Variants in CCDC57 observed in about 807,000 individuals in gnomAD.
CCDC57 encodes coiled-coil domain-containing protein 57.
In CCDC57, 118 loss-of-function variants were observed where a neutral mutation model predicts 118.9. The ratio of observed to expected loss-of-function variants is 0.99; its 90% CI spans 0.86 to 1.16. The LOEUF is 1.16. Among genes scored for constraint, CCDC57 ranks in the 50% most tolerant of loss-of-function variants. The pLI, the probability that CCDC57 is intolerant of heterozygous loss-of-function variation, is 0.00. For synonymous variants in CCDC57, 527 were observed against 532.9 expected (o/e 0.99, Z 0.15); for missense variants, 1,300 against 1,320.7 (o/e 0.98, Z 0.24).
chr17:82,177,849 T>C (rs11867193), intron 11 of CCDC57, among the ~76,000 whole-genome samples: 109,613 of 152,018 alleles, frequency 0.72, 40,053 homozygotes, highest in East Asian at 0.95. Context: ...GTGTGTACAA[T>C]AGCCCACAGA....
intron 13 of CCDC57, among the ~76,000 whole-genome samples, chr17:82,168,551 T>C (rs558348900): frequency 3.0e-4 from 45 of 152,270 alleles, no homozygotes; most frequent in African/African-American, 9.6e-4. Flanking sequence ...TGAGCCGAGA[T>C]TGTGCCACTG....
chr17:82,155,426 T>G (rs1041036283), intron 15 of CCDC57: 2 of 152,346 alleles, frequency 1.3e-5, no homozygotes, highest in Admixed American at 1.3e-4. Flanking sequence ...CGTCACTGCC[T>G]ATTGGCCTAG....
At chr17:82,109,965 A>C (rs911740566) in intron 19 of CCDC57, among the ~76,000 whole-genome samples, 6 of 151,854 alleles carry the variant, frequency 4.0e-5, no homozygotes, top group African/African-American at 1.5e-4. Context: ...AGAAAACGTC[A>C]TAAGAGGCAA....
Position 82,172,662 on chromosome 17 carries a change from C to A in CCDC57, c.1705G>T (p.Ala569Ser). Residue 569 changes from alanine (A) to serine (S), a missense_variant, in exon 12 of 20, where the codon GCT becomes TCT. By Grantham distance (99) the Ala-to-Ser change is moderately conservative. Coordinates refer to ENST00000665763, the Ensembl canonical transcript of CCDC57. The surrounding 1 kb of genome is among the most constrained non-coding windows in gnomAD (Gnocchi z 5.2). ...CCAGGAGTGGCGGCATCTCCCCCAGCCTCTGGGTCAGGCTGGTTTGCATCT... is the reference window on the plus strand; with the variant it reads ...CCAGGAGTGGCGGCATCTCCCCCAGACTCTGGGTCAGGCTGGTTTGCATCT... 6.4e-7 allele frequency: 1 copy of A among 1,552,054 alleles called. No homozygotes were observed. Among genetic ancestry groups the A allele is most frequent in the Non-Finnish European group, 8.7e-7 (1 of 1,147,948 alleles).
Position 82,172,617 on chromosome 17 carries a change from C to G in CCDC57, c.1729+21G>C, listed in dbSNP as rs1313997417. 17 of 1,546,364 alleles carry G rather than the reference C, an allele frequency of 1.1e-5. No homozygotes were observed. Among genetic ancestry groups the G allele is most frequent in the Non-Finnish European group, 1.5e-5 (17 of 1,143,866 alleles). On this transcript the variant is annotated intron_variant, in intron 12 of 19. Transcript: ENST00000665763. The surrounding 1 kb of genome is among the most constrained non-coding windows in gnomAD (Gnocchi z 5.2). Reference sequence around the variant, plus strand: ...TCTCCCCCTTCCTCTCCCGCTCTGTCCGTTTCTCCCACTTACTCACCAGGA... The same window carrying G: ...TCTCCCCCTTCCTCTCCCGCTCTGTGCGTTTCTCCCACTTACTCACCAGGA...
At chr17:82,193,648 C>T in intron 7 of CCDC57, 108 bp downstream of exon 6, 3 of 913,054 alleles carry the variant, frequency 3.3e-6, no homozygotes, top group Non-Finnish European at 5.1e-6. Context: ...AGGTCCGATC[C>T]CTGGAGTGGG....
At chr17:82,206,910 T>C (rs1351722807) in intron 2 of CCDC57, among the ~76,000 whole-genome samples, 2 of 152,330 alleles carry the variant, frequency 1.3e-5, no homozygotes, top group Non-Finnish European at 2.9e-5. Flanking sequence ...TTCCTGGGTG[T>C]AGGCCGAACT....
At position 82,128,434 on chromosome 17, in the gene CCDC57, G is replaced by A. The variant is rs1301614614; in HGVS notation, c.2682+59C>T. On this transcript the variant is annotated intron_variant, in intron 18 of 19. Transcript: ENST00000665763. ...GAGAGGCCCAGAGCACCCAGGCCCC[G>A]GCTTCCCTGCTGGCCACACCCCACA... 8.7e-6 allele frequency: 11 copies of A among 1,261,616 alleles called. No homozygotes were observed. The East Asian group carries it at 1.8e-4, about 20-fold the overall frequency. The allele number at this position is 1,261,616 out of a possible 1,614,324, so 78.2% of individuals were successfully genotyped here. A position where few individuals can be genotyped will look rare whatever the true frequency, so the allele number is the denominator to read the frequency against.
intron 11 of CCDC57, among the ~76,000 whole-genome samples, chr17:82,176,163 C>T (rs1034896304): frequency 6.9e-6 from 1 of 145,652 alleles, no homozygotes; most frequent in Non-Finnish European, 1.5e-5. Flanking sequence ...TGCCGCACTA[C>T]AGTCTAAGCC....
intron 13 of CCDC57, among the ~76,000 whole-genome samples, chr17:82,165,014 A>G (rs1480892725): frequency 6.6e-6 from 1 of 152,196 alleles, no homozygotes; most frequent in Admixed American, 6.5e-5. Flanking sequence ...AAATGTGATA[A>G]TTCTCAATAA....
In CCDC57 at chr17:82,118,036, C is replaced by A. The variant is rs1301446789; in HGVS notation, c.2899+9656G>T. Among the ~76,000 whole-genome samples the A allele has an allele frequency of 2.0e-5, 3 of 152,142 alleles. No homozygotes were observed. The highest frequency in any genetic ancestry group is 7.2e-5 in the African/African-American group (3 of 41,424). On this transcript the variant is annotated intron_variant, in intron 19 of 19. Coordinates refer to ENST00000665763, the Ensembl canonical transcript of CCDC57. The surrounding 1 kb of genome is among the most constrained non-coding windows in gnomAD (Gnocchi z 4.7). ...GACACCAAAACAAAGGGAGGTGAGCCGATGCGGCGGCTCACAAAACTACCA... is the reference window on the plus strand; with the variant it reads ...GACACCAAAACAAAGGGAGGTGAGCAGATGCGGCGGCTCACAAAACTACCA...
intron 16 of CCDC57, among the ~76,000 whole-genome samples, chr17:82,151,214 G>GGA (rs2041996181): frequency 7.1e-6 from 1 of 141,608 alleles, no homozygotes; most frequent in African/African-American, 2.7e-5. Context: ...TCCAGAACCT[G>GGA]ACCCACACCC....
intron 11 of CCDC57, among the ~76,000 whole-genome samples, chr17:82,174,915 A>G (rs755293736): frequency 1.4e-4 from 21 of 152,200 alleles, no homozygotes; most frequent in Non-Finnish European, 1.0e-4. Context: ...TTTGAGCGTT[A>G]GCCGTCTCTT....
chr17:82,201,831 G>T, exon 3 of CCDC57: 24 of 1,613,676 alleles, frequency 1.5e-5, no homozygotes, highest in Non-Finnish European at 2.0e-5. Flanking sequence ...GGCTCCGTGT[G>T]TCCTGCAGAG....
chr17:82,178,357 T>A, intron 11 of CCDC57, 117 bp downstream of exon 10: 1 of 1,260,454 alleles, frequency 7.9e-7, no homozygotes, highest in Non-Finnish European at 1.1e-6. Context: ...ACAGGTCATT[T>A]AAAAAGAACA....
chr17:82,157,903 G>A, exon 15 of CCDC57: 4 of 1,566,666 alleles, frequency 2.6e-6, no homozygotes, highest in Non-Finnish European at 8.6e-7. Flanking sequence ...ACCTCACGGG[G>A]AAGCTCACGC....
intron 16 of CCDC57, among the ~76,000 whole-genome samples, chr17:82,147,454 T>C (rs559884393): frequency 1.4e-5 from 2 of 144,522 alleles, no homozygotes; most frequent in African/African-American, 5.2e-5. Context: ...AGTGGTTGGA[T>C]GGATAGATGG....
chr17:82,120,438 G>A (rs1056832566), intron 19 of CCDC57, among the ~76,000 whole-genome samples: 8 of 152,230 alleles, frequency 5.3e-5, no homozygotes, highest in Non-Finnish European at 1.2e-4. Flanking sequence ...AGCGACTGCC[G>A]AGCTGCGCTC....
intron 16 of CCDC57, among the ~76,000 whole-genome samples, chr17:82,138,694 G>A (rs1367430346): frequency 1.3e-5 from 2 of 151,958 alleles, no homozygotes; most frequent in African/African-American, 2.4e-5. Context: ...GCCCCGGGTC[G>A]GAAGAGACGC....
Sources: allele counts gnomAD v4.1 joint callset (sites outside exome capture counted in the v4.1 genomes callset), GRCh38; gene constraint gnomAD v4.1.1; non-coding constraint Gnocchi (gnomAD v3.1); transcripts MANE v1.5; gene names NCBI Gene and HGNC (gene_info 2026-07-23, HGNC 2026-07-21).